The following ADAMTS3 variants were observed in gnomAD, a reference collection of about 807,000 sequenced individuals.
The protein encoded by ADAMTS3 is A disintegrin and metalloproteinase with thrombospondin motifs 3.
In ADAMTS3, 73 loss-of-function variants were observed where a neutral mutation model predicts 129.0. The ratio of observed to expected loss-of-function variants is 0.57; its 90% CI spans 0.47 to 0.69. ADAMTS3 has a LOEUF of 0.69. ADAMTS3 is among the 30% of genes least tolerant of loss of function. The probability of loss-of-function intolerance (pLI) is 0.00; values close to 1 mark genes in which losing one functional copy is unlikely to be tolerated. For missense variants in ADAMTS3, 1,457 were observed against 1,514.5 expected, an observed-to-expected ratio of 0.96 and a Z score of 0.63; for synonymous variants, 477 against 510.8, an observed-to-expected ratio of 0.93 and a Z score of 0.89.
intron 3 of ADAMTS3, among the ~76,000 whole-genome samples, chr4:72,455,695 T>G (rs1171566325): frequency 1.3e-5 from 2 of 148,270 alleles, no homozygotes; most frequent in Non-Finnish European, 3.0e-5. Context: ...CCGGATTTTT[T>G]GATGTTAGTG....
chr4:72,405,688 C>A (rs1257635884), intron 4 of ADAMTS3, among the ~76,000 whole-genome samples: 3 of 152,050 alleles, frequency 2.0e-5, no homozygotes, highest in African/African-American at 7.2e-5. Context: ...ACAAGCCTAG[C>A]CCTTTTGGTC....
chr4:72,306,126 G>A, intron 15 of ADAMTS3, 59 bp from the exon 16 acceptor site: 1 of 1,333,896 alleles, frequency 7.5e-7, no homozygotes, highest in East Asian at 2.4e-5. Flanking sequence ...CAACAACCAT[G>A]GTTAGTTGAG....
chr4:72,326,960 C>T (rs1325729564), intron 5 of ADAMTS3, among the ~76,000 whole-genome samples: 3 of 152,088 alleles, frequency 2.0e-5, no homozygotes, highest in Non-Finnish European at 4.4e-5. Context: ...AATGTGCTTA[C>T]ATACCAGTCA....
intron 10 of ADAMTS3, among the ~76,000 whole-genome samples, chr4:72,317,613 T>C (rs1316762346): frequency 2.6e-5 from 4 of 152,166 alleles, no homozygotes; most frequent in Non-Finnish European, 5.9e-5. Context: ...CTAAGCACTT[T>C]AATTATATTA....
intron 4 of ADAMTS3, among the ~76,000 whole-genome samples, chr4:72,397,892 G>A (rs1721767039): frequency 6.6e-6 from 1 of 151,978 alleles, no homozygotes; most frequent in East Asian, 1.9e-4. Context: ...CATACCTGAA[G>A]CTACAAAAAG....
intron 3 of ADAMTS3, among the ~76,000 whole-genome samples, chr4:72,463,679 T>C (rs1560525571): frequency 1.5e-5 from 2 of 134,472 alleles, no homozygotes; most frequent in Non-Finnish European, 3.2e-5. Context: ...TTGAAATCTT[T>C]TTTGGATACT....
chr4:72,437,840 A>G (rs1717989986), intron 3 of ADAMTS3, among the ~76,000 whole-genome samples: 2 of 151,798 alleles, frequency 1.3e-5, no homozygotes, highest in Admixed American at 6.6e-5. Flanking sequence ...TATTTTCATT[A>G]ATATTAACAA....
chr4:72,502,867 C>T (rs1720060495), intron 3 of ADAMTS3, among the ~76,000 whole-genome samples: 2 of 152,106 alleles, frequency 1.3e-5, no homozygotes, highest in South Asian at 4.2e-4. Flanking sequence ...TATCCCTCCC[C>T]TAGCCCGCCA....
chr4:72,550,964 G>A (rs1371058700), intron 2 of ADAMTS3, among the ~76,000 whole-genome samples: 1 of 152,144 alleles, frequency 6.6e-6, no homozygotes, highest in Admixed American at 6.5e-5. Context: ...TGTCTTGCCA[G>A]TTGAATTTGT....
chr4:72,541,131 G>C (rs1331487823), intron 3 of ADAMTS3, among the ~76,000 whole-genome samples: 1 of 152,188 alleles, frequency 6.6e-6, no homozygotes, highest in African/African-American at 2.4e-5. Context: ...CAGAGCCACA[G>C]GGGATGGAGC....
At chr4:72,338,634 T>C (rs1394659853) in intron 5 of ADAMTS3, among the ~76,000 whole-genome samples, 1 of 150,988 alleles carries the variant, frequency 6.6e-6, no homozygotes, top group Non-Finnish European at 1.5e-5. Flanking sequence ...TTATATTAAA[T>C]ATCAAAAGTT....
chr4:72,539,344 C>T (rs1721261031), intron 3 of ADAMTS3, among the ~76,000 whole-genome samples: 1 of 151,846 alleles, frequency 6.6e-6, no homozygotes, highest in East Asian at 1.9e-4. Context: ...GAGCAAATGA[C>T]TTCAGTAGAC....
intron 1 of ADAMTS3, 49 bp from the exon 2 acceptor site, chr4:72,567,450 T>C (rs1273028437): frequency 6.3e-7 from 1 of 1,577,002 alleles, no homozygotes; most frequent in East Asian, 2.2e-5. Context: ...GGGTTTCATC[T>C]TATCACCTTG....
rs770241251 is a variant in ADAMTS3 at position 72,557,577 on chromosome 4, T to G, written c.98-8693A>C. 9.2e-5 allele frequency among the ~76,000 whole-genome samples: 14 copies of G among 151,946 alleles called. No individual in the cohort carries two copies. The East Asian group carries it at 1.3e-3, about 15-fold the overall frequency. Reference sequence around the variant, plus strand: ...TTGAAAAATAAAGGTCATGGCTTTTTTATTCATTATTAAGAAAGAATGAAT... The same window carrying G: ...TTGAAAAATAAAGGTCATGGCTTTTGTATTCATTATTAAGAAAGAATGAAT... On this transcript the variant is annotated intron_variant, in intron 2 of 21. Coordinates refer to ENST00000286657, the MANE Select transcript of ADAMTS3 (RefSeq NM_014243.3).
intron 2 of ADAMTS3, among the ~76,000 whole-genome samples, chr4:72,553,119 T>A (rs1419194019): frequency 5.6e-5 from 2 of 35,552 alleles, no homozygotes; most frequent in African/African-American, 2.4e-4. Flanking sequence ...GCATCTTCTT[T>A]TGGCTAAATA....
At chr4:72,454,293 T>C (rs1718486257) in intron 3 of ADAMTS3, among the ~76,000 whole-genome samples, 1 of 151,666 alleles carries the variant, frequency 6.6e-6, no homozygotes, top group South Asian at 2.1e-4. Context: ...AGTTGTAAAA[T>C]AATCTCCTGT....
intron 3 of ADAMTS3, among the ~76,000 whole-genome samples, chr4:72,528,718 T>C (rs921695627): frequency 6.6e-6 from 1 of 152,086 alleles, no homozygotes; most frequent in African/African-American, 2.4e-5. Context: ...CTTTATTTTA[T>C]GAAAGTTACA....
chr4:72,321,691 G>T (rs975099777), intron 6 of ADAMTS3, among the ~76,000 whole-genome samples: 2 of 151,972 alleles, frequency 1.3e-5, no homozygotes, highest in Non-Finnish European at 2.9e-5. Flanking sequence ...GGGAGAATAT[G>T]AATTCTTCCA....
At chr4:72,413,091 CTCTT>C (rs1722220215) in intron 4 of ADAMTS3, among the ~76,000 whole-genome samples, 1 of 151,824 alleles carries the variant, frequency 6.6e-6, no homozygotes, top group Non-Finnish European at 1.5e-5. Flanking sequence ...AAGAAAAAAA[CTCTT>C]CTTCTTATAA....
Sources: allele counts gnomAD v4.1 joint callset (sites outside exome capture counted in the v4.1 genomes callset), GRCh38; gene constraint gnomAD v4.1.1; transcripts MANE v1.5; gene names NCBI Gene and HGNC (gene_info 2026-07-23, HGNC 2026-07-21).